ARHGEF37: variants seen among roughly 807,000 people sequenced by gnomAD.
ARHGEF37 encodes Rho guanine nucleotide exchange factor 37.
Under a neutral mutation model 71.1 loss-of-function variants are expected in ARHGEF37, and 55 were observed. The ratio of observed to expected loss-of-function variants is 0.77; its 90% CI spans 0.62 to 0.97. ARHGEF37 has a LOEUF of 0.97. ARHGEF37 is among the 50% of genes least tolerant of loss of function. The pLI is 0.00. For missense variants in ARHGEF37, 765 were observed against 836.8 expected (o/e 0.91, Z 1.06); for synonymous variants, 327 against 350.6 (o/e 0.93, Z 0.75).
At chr5:149,561,470 A>T (rs1157012781) in intron 1 of ARHGEF37, among the ~76,000 whole-genome samples, 2 of 152,188 alleles carry the variant, frequency 1.3e-5, no homozygotes, top group Non-Finnish European at 2.9e-5. Flanking sequence ...GCAAAGAGTT[A>T]CTGTGAAATA....
At chr5:149,628,493 G>A (rs1469859769) in intron 11 of ARHGEF37, among the ~76,000 whole-genome samples, 1 of 152,170 alleles carries the variant, frequency 6.6e-6, no homozygotes, top group African/African-American at 2.4e-5. Context: ...AGACACCAGA[G>A]GGGCATGGGA....
chr5:149,615,391 C>G (rs968883828), intron 4 of ARHGEF37, among the ~76,000 whole-genome samples: 11 of 150,738 alleles, frequency 7.3e-5, no homozygotes, highest in Non-Finnish European at 1.5e-5. Context: ...TTTTTTTTAA[C>G]TTTTTTTCAT....
intron 4 of ARHGEF37, among the ~76,000 whole-genome samples, chr5:149,611,646 A>G (rs1764083490): frequency 6.6e-6 from 1 of 152,236 alleles, no homozygotes; most frequent in Non-Finnish European, 1.5e-5. Context: ...CCTTATGTGT[A>G]AGGTGGGAGG....
chr5:149,615,831 G>A (rs1274325149), intron 4 of ARHGEF37, among the ~76,000 whole-genome samples: 1 of 152,200 alleles, frequency 6.6e-6, no homozygotes, highest in Non-Finnish European at 1.5e-5. Context: ...GGCAGAGGTT[G>A]CAGTGAGCCG....
intron 1 of ARHGEF37, among the ~76,000 whole-genome samples, chr5:149,591,158 A>G (rs549049840): frequency 1.0e-4 from 15 of 150,460 alleles, no homozygotes; most frequent in African/African-American, 3.4e-4. Flanking sequence ...TGTGGTCTCA[A>G]CCTCCTGGGC....
chr5:149,631,969 C>T lies in ARHGEF37; in HGVS notation c.1819-13C>T. ...ACCCTGACCATTTCTGTGTCACTCC[C>T]CATGTGTTTCAGGTCATAGCCGCGT... On this transcript the variant is annotated splice_polypyrimidine_tract_variant and intron_variant, in intron 12 of 12. Coordinates refer to ENST00000333677, the MANE Select transcript of ARHGEF37 (RefSeq NM_001001669.3). 6.2e-7 allele frequency: 1 copy of T among 1,613,692 alleles called. No homozygotes were observed. The highest frequency in any genetic ancestry group is 8.5e-7 in the Non-Finnish European group (1 of 1,179,640).
At chr5:149,602,915 A>G (rs972326121) in intron 3 of ARHGEF37, among the ~76,000 whole-genome samples, 1 of 152,126 alleles carries the variant, frequency 6.6e-6, no homozygotes, top group African/African-American at 2.4e-5. Flanking sequence ...CAGATTAAAA[A>G]CAACAAATAT....
Position 149,627,341 on chromosome 5 carries a change from C to T in ARHGEF37, c.1660+70C>T, listed in dbSNP as rs890970304. On this transcript the variant is annotated intron_variant, in intron 11 of 12. Transcript: ENST00000333677. ...ACCCCACAGAAGCCGGTGCAGAGAC[C>T]CGGGCACTCTTGTGGGTCAAAGTCT... 15 of 1,528,088 alleles carry T rather than the reference C, an allele frequency of 9.8e-6. No individual in the cohort carries two copies. The African/African-American group carries it at 1.8e-4, about 18-fold the overall frequency. The allele number at this position is 1,528,088 out of a possible 1,614,324, so 94.7% of individuals were successfully genotyped here.
intron 3 of ARHGEF37, among the ~76,000 whole-genome samples, chr5:149,607,933 A>T (rs1293961065): frequency 6.6e-6 from 1 of 150,970 alleles, no homozygotes; most frequent in African/African-American, 2.4e-5. Context: ...TGCCTGGCAA[A>T]TTTTTTTTGT....
intron 4 of ARHGEF37, 54 bp from the exon 5 acceptor site, chr5:149,616,513 C>T (rs1752383173): frequency 6.6e-7 from 1 of 1,512,456 alleles, no homozygotes; most frequent in Admixed American, 1.9e-5. Context: ...GCCCAGGCCC[C>T]CTGGTCCTCC....
At position 149,618,097 on chromosome 5, in the gene ARHGEF37, C is replaced by T. The variant is rs75871958; in HGVS notation, c.659-79C>T. The T allele has an allele frequency of 3.0e-3, 4,733 of 1,581,400 alleles. 128 individuals are homozygous for T. In the African/African-American group the frequency reaches 0.056, roughly 19 times the overall value. On this transcript the variant is annotated intron_variant, in intron 5 of 12. Transcript: ENST00000333677. ...ATGGAGCAGAGGGCCCAAGCAGGTG[C>T]CCAGCCGGGCATGTCCGTGACATCC...
chr5:149,585,836 A>G (rs1763220599), intron 1 of ARHGEF37, among the ~76,000 whole-genome samples: 1 of 152,218 alleles, frequency 6.6e-6, no homozygotes, highest in East Asian at 1.9e-4. Flanking sequence ...TTCATTTTAC[A>G]TAAAATTCAA....
chr5:149,574,446 A>G (rs1480567661), intron 1 of ARHGEF37, among the ~76,000 whole-genome samples: 1 of 152,244 alleles, frequency 6.6e-6, no homozygotes, highest in East Asian at 1.9e-4. Context: ...TCACAGGTCT[A>G]TCTGACTGCT....
chr5:149,614,545 C>A (rs1346605443), intron 4 of ARHGEF37, among the ~76,000 whole-genome samples: 2 of 152,118 alleles, frequency 1.3e-5, no homozygotes, highest in Non-Finnish European at 2.9e-5. Flanking sequence ...CTTCCAGGAC[C>A]CCTTGCTCTC....
chr5:149,597,945 G>A lies in ARHGEF37; in HGVS notation c.176G>A (p.Arg59His), dbSNP rs368868273. 66 of 1,588,596 alleles carry A rather than the reference G, an allele frequency of 4.2e-5. No individual in the cohort carries two copies. In the East Asian group the frequency reaches 7.4e-4, roughly 18 times the overall value. ...LQLCASDIRSRLQQLPQGDLD... is the reference protein window; with the variant it reads ...LQLCASDIRSHLQQLPQGDLD... ...CTCTGTGCCTCTGACATCAGGAGCCGCCTCCAGCAGGTACTTGGGTGGGGT... is the reference window on the plus strand; with the variant it reads ...CTCTGTGCCTCTGACATCAGGAGCCACCTCCAGCAGGTACTTGGGTGGGGT... The change falls in exon 2 of 13, where the codon CGC becomes CAC. Residue 59 changes from arginine (R) to histidine (H), a missense_variant. Arg to His is a conservative substitution (Grantham distance 29). Transcript: ENST00000333677.
intron 12 of ARHGEF37, 71 bp from the exon 13 acceptor site, chr5:149,631,911 C>T: frequency 2.6e-6 from 4 of 1,518,060 alleles, no homozygotes; most frequent in East Asian, 2.3e-5. Flanking sequence ...ACAGGATAAA[C>T]AGCCTCTCTG....
intron 1 of ARHGEF37, among the ~76,000 whole-genome samples, chr5:149,582,491 A>G (rs1304892795): frequency 6.6e-6 from 1 of 152,122 alleles, no homozygotes; most frequent in Non-Finnish European, 1.5e-5. Context: ...ACGGGGGATG[A>G]GAGTGTCTGC....
At chr5:149,620,096 A>G (rs955848256) in intron 7 of ARHGEF37, among the ~76,000 whole-genome samples, 3 of 152,024 alleles carry the variant, frequency 2.0e-5, no homozygotes, top group Non-Finnish European at 4.4e-5. Context: ...AAGAAAAAGA[A>G]AAAAACCCCA....
intron 4 of ARHGEF37, 73 bp downstream of exon 4, chr5:149,609,768 C>CT: frequency 6.3e-7 from 1 of 1,584,392 alleles, no homozygotes; most frequent in South Asian, 1.1e-5. Flanking sequence ...GGTCTCACCC[C>CT]TTTTTCATGC....
Sources: gnomAD v4.1 joint callset for allele counts (sites outside exome capture counted in the v4.1 genomes callset) on GRCh38, gnomAD v4.1.1 for gene constraint, MANE v1.5 for transcripts, NCBI Gene and HGNC (gene_info 2026-07-23, HGNC 2026-07-21) for gene names.